Variants in DSCAM observed in about 807,000 individuals in gnomAD.
DSCAM encodes cell adhesion molecule DSCAM.
A neutral mutation model predicts 217.7 loss-of-function variants in DSCAM; 47 were observed. The observed-to-expected ratio is 0.22, with a 90% CI of 0.17 to 0.28. The LOEUF (loss-of-function observed/expected upper bound fraction) is 0.28. DSCAM is among the 10% of genes least tolerant of loss of function. DSCAM has a pLI of 1.00. For synonymous variants in DSCAM, 1,056 were observed against 1,015.3 expected (o/e 1.04, Z -0.76); for missense variants, 2,080 against 2,618.3 (o/e 0.79, Z 4.49).
intron 15 of DSCAM, among the ~76,000 whole-genome samples, chr21:40,171,466 G>A (rs1568979969): frequency 2.0e-5 from 3 of 151,838 alleles, no homozygotes; most frequent in Admixed American, 6.6e-5. Context: ...TTTTAAGAAT[G>A]TAACAGCTTT....
chr21:40,433,424 T>G (rs565288460), intron 3 of DSCAM, among the ~76,000 whole-genome samples: 46 of 150,972 alleles, frequency 3.0e-4, no homozygotes, highest in Admixed American at 2.4e-3. Flanking sequence ...AAGCATAACA[T>G]CTGCCTGTTC....
chr21:40,675,749 C>G (rs977952847), intron 3 of DSCAM, among the ~76,000 whole-genome samples: 2 of 152,196 alleles, frequency 1.3e-5, no homozygotes, highest in African/African-American at 4.8e-5. Flanking sequence ...TTTACTGAAC[C>G]TTCACAGAGG....
chr21:40,666,889 G>C (rs1377753053), intron 3 of DSCAM, among the ~76,000 whole-genome samples: 5 of 152,204 alleles, frequency 3.3e-5, no homozygotes, highest in Admixed American at 3.3e-4. Context: ...TCCCCATTAA[G>C]TTGCTTCCTT....
intron 1 of DSCAM, among the ~76,000 whole-genome samples, chr21:40,828,057 A>G (rs2091983959): frequency 6.6e-6 from 1 of 152,090 alleles, no homozygotes; most frequent in African/African-American, 2.4e-5. Flanking sequence ...CAGAGAGAAA[A>G]CAGAATGTTG....
chr21:40,282,510 G>GAACC (rs1218294001), intron 10 of DSCAM, among the ~76,000 whole-genome samples: 2 of 140,030 alleles, frequency 1.4e-5, no homozygotes, highest in Non-Finnish European at 3.0e-5. Flanking sequence ...AGAATGGCCT[G>GAACC]AACCCGGGAG....
chr21:40,741,668 G>C (rs963875916), intron 1 of DSCAM, among the ~76,000 whole-genome samples: 2 of 152,306 alleles, frequency 1.3e-5, no homozygotes, highest in Non-Finnish European at 1.5e-5. Flanking sequence ...CTGGCTGCAC[G>C]GTAGATTCAC....
intron 32 of DSCAM, among the ~76,000 whole-genome samples, chr21:40,030,716 T>C (rs1243078846): frequency 1.3e-5 from 2 of 152,210 alleles, no homozygotes; most frequent in African/African-American, 4.8e-5. Context: ...CTAATCCTGA[T>C]TTCTGCTGGA....
At chr21:40,814,242 A>G (rs2091862896) in intron 1 of DSCAM, among the ~76,000 whole-genome samples, 1 of 152,244 alleles carries the variant, frequency 6.6e-6, no homozygotes, top group Admixed American at 6.5e-5. Flanking sequence ...GAAGAACCGC[A>G]GAACCATGCA....
At chr21:40,464,279 A>G (rs1376419415) in intron 3 of DSCAM, among the ~76,000 whole-genome samples, 1 of 152,210 alleles carries the variant, frequency 6.6e-6, no homozygotes, top group Non-Finnish European at 1.5e-5. Context: ...CTTCCTTTCA[A>G]TGCAGGAGCA....
intron 4 of DSCAM, among the ~76,000 whole-genome samples, chr21:40,355,985 C>T (rs980538666): frequency 2.6e-5 from 4 of 152,128 alleles, no homozygotes; most frequent in Admixed American, 2.6e-4. Context: ...TTTTTTAAGG[C>T]TGAATAATAT....
intron 3 of DSCAM, among the ~76,000 whole-genome samples, chr21:40,538,152 G>T (rs2076514140): frequency 1.3e-5 from 2 of 152,152 alleles, no homozygotes; most frequent in Non-Finnish European, 2.9e-5. Context: ...TTTGGGGATA[G>T]CCTCTCTCCC....
intron 11 of DSCAM, among the ~76,000 whole-genome samples, chr21:40,260,483 G>A (rs2073435650): frequency 6.6e-6 from 1 of 152,206 alleles, no homozygotes; most frequent in South Asian, 2.1e-4. Context: ...GTGCATCAGT[G>A]ACTCTGCTCC....
intron 3 of DSCAM, among the ~76,000 whole-genome samples, chr21:40,654,234 G>T (rs2090048587): frequency 6.6e-6 from 1 of 151,980 alleles, no homozygotes; most frequent in Non-Finnish European, 1.5e-5. Flanking sequence ...AAATCATATT[G>T]GCTATCAGGG....
At chr21:40,549,435 A>G (rs1206198247) in intron 3 of DSCAM, among the ~76,000 whole-genome samples, 1 of 152,184 alleles carries the variant, frequency 6.6e-6, no homozygotes, top group Non-Finnish European at 1.5e-5. Context: ...GGGTCCCACT[A>G]CTTGCGCTTA....
At chr21:40,330,575 G>A (rs1012716172) in intron 8 of DSCAM, among the ~76,000 whole-genome samples, 6 of 151,870 alleles carry the variant, frequency 4.0e-5, no homozygotes, top group South Asian at 2.1e-4. Context: ...GGAATTTTAA[G>A]TCATTCCACC....
chr21:40,817,871 T>C (rs560208281), intron 1 of DSCAM, among the ~76,000 whole-genome samples: 10 of 144,504 alleles, frequency 6.9e-5, no homozygotes, highest in African/African-American at 2.1e-4. Context: ...CCGAGGCGGG[T>C]GGATCATGAG....
intron 3 of DSCAM, among the ~76,000 whole-genome samples, chr21:40,438,009 T>C (rs1027671037): frequency 1.2e-4 from 19 of 152,230 alleles, no homozygotes; most frequent in African/African-American, 3.9e-4. Context: ...ACCTTGAAGC[T>C]GCCTTCTTGC....
In DSCAM at chr21:40,124,315, G is replaced by C. The variant is rs372164961; in HGVS notation, c.3576C>G (p.Pro1192=). Residue 1192 remains proline, a synonymous_variant, in exon 20 of 33, where the codon CCC becomes CCG. Coordinates refer to ENST00000400454, the MANE Select transcript of DSCAM (RefSeq NM_001389.5). ...AGGCCGCCGCTGCCTTCACACCCGC[G>C]GGAGGACCTGGAACTGGAAGAGCCG... ...TRTKEDVPGP[P]AGVKAAAASA... 9.3e-6 allele frequency: 15 copies of C among 1,613,790 alleles called. No individual in the cohort carries two copies. The highest frequency in any genetic ancestry group is 1.7e-5 in the Admixed American group (1 of 59,998).
intron 1 of DSCAM, among the ~76,000 whole-genome samples, chr21:40,754,696 G>T (rs1477880829): frequency 6.6e-6 from 1 of 152,224 alleles, no homozygotes; most frequent in African/African-American, 2.4e-5. Context: ...GCAGCTGGAA[G>T]TGCTGCCAGG....
Sources: gnomAD v4.1 joint callset for allele counts (sites outside exome capture counted in the v4.1 genomes callset) on GRCh38, gnomAD v4.1.1 for gene constraint, MANE v1.5 for transcripts, NCBI Gene and HGNC (gene_info 2026-07-23, HGNC 2026-07-21) for gene names.